The following CNTNAP4 variants were observed in gnomAD, a reference collection of about 807,000 sequenced individuals.
CNTNAP4 encodes contactin associated protein family member 4, also known as contactin-associated protein-like 4.
A neutral mutation model predicts 148.4 loss-of-function variants in CNTNAP4; 98 were observed. The observed-to-expected ratio is 0.66, with a 90% confidence interval of 0.56 to 0.78. CNTNAP4 has a LOEUF of 0.78. Ranked by LOEUF, CNTNAP4 falls within the 30% of genes least tolerant of loss-of-function variation. The pLI is 0.00. For missense variants in CNTNAP4, 1,935 were observed against 1,565.6 expected, an observed-to-expected ratio of 1.24 and a Z score of -3.98; for synonymous variants, 730 against 565.1, an observed-to-expected ratio of 1.29 and a Z score of -4.14.
rs367684851 is a variant in CNTNAP4, at chr16:76,329,458, A to G, written c.196+12935A>G. Among the ~76,000 whole-genome samples, 13 of 152,280 alleles carry G rather than the reference A, an allele frequency of 8.5e-5. No homozygotes were observed. The East Asian group carries it at 1.5e-3, about 18-fold the overall frequency. The stretch of plus-strand genomic sequence containing the variant: ...AATTTAAAATCTGTTCCCGTGCACT[A>G]TCTCCTTTGATTTTTAACTGTAGCC... On this transcript the variant is annotated intron_variant, in intron 2 of 23. Transcript: ENST00000611870.
chr16:76,558,416 T>A (rs7196722), intron 23 of CNTNAP4, 74 bp from the exon 24 acceptor site: 20 of 802,500 alleles, frequency 2.5e-5, no homozygotes, highest in Non-Finnish European at 3.9e-5. Flanking sequence ...TTATGATGAC[T>A]TATTAAGCAA....
intron 3 of CNTNAP4, among the ~76,000 whole-genome samples, chr16:76,383,951 A>G (rs1249429089): frequency 6.6e-6 from 1 of 152,230 alleles, no homozygotes; most frequent in Non-Finnish European, 1.5e-5. Flanking sequence ...TGTTAATGAC[A>G]GATAAATGTT....
intron 2 of CNTNAP4, among the ~76,000 whole-genome samples, chr16:76,319,776 TAGAA>T (rs369379046): frequency 7.9e-5 from 12 of 152,084 alleles, no homozygotes; most frequent in African/African-American, 2.7e-4. Flanking sequence ...CATCAGAAGT[TAGAA>T]AGAAAGAAAG....
intron 1 of CNTNAP4, among the ~76,000 whole-genome samples, chr16:76,289,414 A>C (rs772028864): frequency 6.6e-6 from 1 of 152,106 alleles, no homozygotes; most frequent in African/African-American, 2.4e-5. Context: ...AATAAAATTC[A>C]TTCTCTATTT....
At chr16:76,441,062 A>G (rs1382791073) in intron 4 of CNTNAP4, among the ~76,000 whole-genome samples, 1 of 152,164 alleles carries the variant, frequency 6.6e-6, no homozygotes, top group East Asian at 1.9e-4. Context: ...GACCCTTCTT[A>G]GAGGCTACAG....
chr16:76,336,690 CT>C (rs1162777236), intron 2 of CNTNAP4, among the ~76,000 whole-genome samples: 1 of 152,188 alleles, frequency 6.6e-6, no homozygotes, highest in Non-Finnish European at 1.5e-5. Context: ...GCTTAAATAA[CT>C]TGTTTCCAGA....
intron 4 of CNTNAP4, among the ~76,000 whole-genome samples, chr16:76,447,189 G>T (rs1015311691): frequency 6.6e-6 from 1 of 151,824 alleles, no homozygotes; most frequent in African/African-American, 2.4e-5. Flanking sequence ...GCACCCTTGT[G>T]GTTCCACTTA....
At chr16:76,541,336 T>C (rs2084445701) in intron 21 of CNTNAP4, among the ~76,000 whole-genome samples, 1 of 152,244 alleles carries the variant, frequency 6.6e-6, no homozygotes, top group African/African-American at 2.4e-5. Context: ...CAATTACCTT[T>C]AATTACAGCA....
chr16:76,515,204 G>A (rs2083199416), intron 15 of CNTNAP4, among the ~76,000 whole-genome samples: 1 of 152,130 alleles, frequency 6.6e-6, no homozygotes, highest in Non-Finnish European at 1.5e-5. Context: ...GAAAGGACTA[G>A]TATATAGAAT....
intron 15 of CNTNAP4, among the ~76,000 whole-genome samples, chr16:76,519,319 T>G (rs573576402): frequency 6.6e-6 from 1 of 152,286 alleles, no homozygotes; most frequent in East Asian, 1.9e-4. Context: ...CATGTACAGA[T>G]AGCAGCAATT....
chr16:76,439,359 A>G (rs536308795), intron 4 of CNTNAP4, among the ~76,000 whole-genome samples: 1 of 152,292 alleles, frequency 6.6e-6, no homozygotes, highest in South Asian at 2.1e-4. Context: ...TCATAACAGT[A>G]TACAAAATAA....
rs1189756560 is a variant in CNTNAP4, at chr16:76,460,771, A to AT, written c.1334-1185_1334-1184insT. Among the ~76,000 whole-genome samples the AT allele has an allele frequency of 1.5e-3, 51 of 33,664 alleles. 1 individual carries two copies. The highest frequency in any genetic ancestry group is 4.0e-3 in the African/African-American group (45 of 11,362). The allele number at this position is 33,664 out of a possible 152,430, so 22.1% of individuals were successfully genotyped here. On this transcript the variant is annotated intron_variant, in intron 8 of 23. Coordinates refer to ENST00000611870, the MANE Select transcript of CNTNAP4 (RefSeq NM_033401.5). ...CATGTCTCAAAAAAAAAAAAAAAAA[A>AT]AAATATATATATATATATATATATT...
At chr16:76,335,534 T>A (rs902334525) in intron 2 of CNTNAP4, among the ~76,000 whole-genome samples, 2 of 152,096 alleles carry the variant, frequency 1.3e-5, no homozygotes, top group African/African-American at 4.8e-5. Flanking sequence ...GGGTAAGACA[T>A]GAGCAAGCAA....
Position 76,560,013 on chromosome 16 carries a change from C to G in CNTNAP4, c.*1330C>G, listed in dbSNP as rs758729117. Among the ~76,000 whole-genome samples the G allele has an allele frequency of 6.6e-6, 1 of 152,152 alleles. No individual in the cohort carries two copies. The highest frequency in any genetic ancestry group is 1.5e-5 in the Non-Finnish European group (1 of 68,020). ...AATCCAACTTGCTGAATGGTACATT[C>G]TGATTAGGGTGTATTATACACTAGG... On this transcript the variant is annotated 3_prime_UTR_variant, in exon 24 of 24. Transcript: ENST00000611870.
chr16:76,412,829 G>A (rs1171914951), intron 3 of CNTNAP4, among the ~76,000 whole-genome samples: 1 of 151,194 alleles, frequency 6.6e-6, no homozygotes, highest in Non-Finnish European at 1.5e-5. Context: ...TTCCTTTCAT[G>A]GTTAAGAAAA....
At chr16:76,394,913 T>G (rs888838992) in intron 3 of CNTNAP4, among the ~76,000 whole-genome samples, 2 of 152,132 alleles carry the variant, frequency 1.3e-5, no homozygotes, top group African/African-American at 4.8e-5. Context: ...TAGGTCCTGT[T>G]TACTTAGGGC....
chr16:76,389,428 G>T (rs1030480618), intron 3 of CNTNAP4, among the ~76,000 whole-genome samples: 2 of 152,076 alleles, frequency 1.3e-5, no homozygotes, highest in African/African-American at 4.8e-5. Flanking sequence ...TGACAGTGCT[G>T]TTTAGTTTTT....
Position 76,522,085 on chromosome 16 carries a change from T to G in CNTNAP4, c.2583T>G (p.Phe861Leu), listed in dbSNP as rs769500787. 1.2e-6 allele frequency: 2 copies of G among 1,613,950 alleles called. No individual in the cohort carries two copies. The highest frequency in any genetic ancestry group is 1.7e-6 in the Non-Finnish European group (2 of 1,179,866). The change falls in exon 17 of 24, where the codon TTT becomes TTG. Residue 861 changes from phenylalanine to leucine, a missense_variant. Transcript: ENST00000611870. ...TFSFDVGNGP[F>L]EISVQSPTHF... ...CATTTGATGTGGGGAATGGGCCTTTTGAAATCTCAGTGCAGTCACCCACCC... is the reference window on the plus strand; with the variant it reads ...CATTTGATGTGGGGAATGGGCCTTTGGAAATCTCAGTGCAGTCACCCACCC...
At chr16:76,404,401 A>G (rs1170382426) in intron 3 of CNTNAP4, among the ~76,000 whole-genome samples, 1 of 151,762 alleles carries the variant, frequency 6.6e-6, no homozygotes, top group East Asian at 1.9e-4. Context: ...TAGTTTGGTG[A>G]CCTCTTACAG....
Sources: allele counts gnomAD v4.1 joint callset (sites outside exome capture counted in the v4.1 genomes callset), GRCh38; gene constraint gnomAD v4.1.1; transcripts MANE v1.5; gene names NCBI Gene and HGNC (gene_info 2026-07-23, HGNC 2026-07-21).